The following PLEKHA5 variants were observed in gnomAD, a reference collection of about 807,000 sequenced individuals.
The protein encoded by PLEKHA5 is pleckstrin homology domain containing A5, also known as pleckstrin homology domain-containing family A member 5.
PLEKHA5 carries 55 observed loss-of-function variants against 181.9 expected under a neutral mutation model. That is an observed-to-expected ratio of 0.30 (90% CI 0.24 to 0.38). The LOEUF (loss-of-function observed/expected upper bound fraction) is 0.38, where lower values mean the gene tolerates loss of function less well. Among genes scored for constraint, PLEKHA5 ranks in the 10% least tolerant of loss-of-function variants. PLEKHA5 has a pLI of 1.00. For missense variants in PLEKHA5, 1,432 were observed against 1,549.5 expected (o/e 0.92, Z 1.27); for synonymous variants, 535 against 529.4 (o/e 1.01, Z -0.15).
rs564269895 is a variant in PLEKHA5, at chr12:19,314,870, G to C, written c.2094G>C (p.Ala698=). 6.5e-7 allele frequency: 1 copy of C among 1,545,514 alleles called. No homozygotes were observed. The highest frequency in any genetic ancestry group is 1.4e-5 in the African/African-American group (1 of 72,912). ...TTCACACAATGATTGAGAACTCGGC[G>C]CTAAGACCCCAACTGTACCAGCAAG... ...TMVHTMIENS[A]LRPQLYQQFL... Residue 698 remains alanine (A), a synonymous_variant, in exon 16 of 32, where the codon GCG becomes GCC. Coordinates refer to ENST00000429027, the MANE Select transcript of PLEKHA5 (RefSeq NM_001256470.2).
At chr12:19,162,242 A>G (rs2043129256) in intron 3 of PLEKHA5, among the ~76,000 whole-genome samples, 1 of 152,150 alleles carries the variant, frequency 6.6e-6, no homozygotes, top group Non-Finnish European at 1.5e-5. Context: ...TATTTATTTC[A>G]GTGGATAGTA....
intron 3 of PLEKHA5, among the ~76,000 whole-genome samples, chr12:19,231,347 T>A (rs539902699): frequency 6.6e-6 from 1 of 152,128 alleles, no homozygotes; most frequent in African/African-American, 2.4e-5. Flanking sequence ...ACGAGTTAGA[T>A]TTTATTTCCT....
intron 3 of PLEKHA5, among the ~76,000 whole-genome samples, chr12:19,141,178 A>G (rs2037170859): frequency 6.6e-6 from 1 of 151,904 alleles, no homozygotes; most frequent in South Asian, 2.1e-4. Context: ...CCTCCCCCCC[A>G]ACAGAAAGCT....
At chr12:19,239,238 A>G (rs878878707) in intron 3 of PLEKHA5, among the ~76,000 whole-genome samples, 1 of 152,170 alleles carries the variant, frequency 6.6e-6, no homozygotes, top group Admixed American at 6.5e-5. Flanking sequence ...AAAACCTGCT[A>G]GTTAACTAGC....
At chr12:19,286,804 A>G (rs186201496) in intron 12 of PLEKHA5, among the ~76,000 whole-genome samples, 20 of 152,008 alleles carry the variant, frequency 1.3e-4, no homozygotes, top group Non-Finnish European at 4.4e-5. Context: ...CGTCTCTACT[A>G]AAAATACAAA....
intron 29 of PLEKHA5, among the ~76,000 whole-genome samples, chr12:19,365,156 G>C (rs1277286796): frequency 6.6e-6 from 1 of 151,990 alleles, no homozygotes; most frequent in Non-Finnish European, 1.5e-5. Context: ...CAGATCAAGA[G>C]GTCAGGAGAT....
chr12:19,247,956 A>G (rs2064205623), intron 3 of PLEKHA5, among the ~76,000 whole-genome samples: 1 of 151,756 alleles, frequency 6.6e-6, no homozygotes, highest in African/African-American at 2.4e-5. Context: ...AGAGAGAGAC[A>G]AGGTCTTGCT....
chr12:19,164,829 G>A (rs916687364), intron 3 of PLEKHA5, among the ~76,000 whole-genome samples: 6 of 152,218 alleles, frequency 3.9e-5, no homozygotes, highest in African/African-American at 1.4e-4. Context: ...ATCTCTGGCT[G>A]TCTTCTTTCC....
In PLEKHA5 at chr12:19,291,789, C is replaced by T. The variant is rs945594501; in HGVS notation, c.2037+92C>T. 26 of 633,470 alleles carry T rather than the reference C, an allele frequency of 4.1e-5. No homozygotes were observed. In the Admixed American group the frequency reaches 4.4e-4, roughly 11 times the overall value. The allele number at this position is 633,470 out of a possible 1,614,324, so 39.2% of individuals were successfully genotyped here. The stretch of plus-strand genomic sequence containing the variant: ...TCAGGCTTCTCAGCTATTTCAGTCA[C>T]GTTGAATTAATAACATGACTTTTAC... On this transcript the variant is annotated intron_variant, in intron 15 of 31. Coordinates refer to ENST00000429027, the MANE Select transcript of PLEKHA5 (RefSeq NM_001256470.2).
At chr12:19,269,698 C>G in intron 8 of PLEKHA5, 72 bp from the exon 9 acceptor site, 1 of 709,280 alleles carries the variant, frequency 1.4e-6, no homozygotes, top group Non-Finnish European at 2.3e-6. Context: ...TCAGGAATCA[C>G]TTACCTTTTT....
chr12:19,353,648 G>A (rs1045386982), intron 25 of PLEKHA5, among the ~76,000 whole-genome samples: 8 of 151,096 alleles, frequency 5.3e-5, no homozygotes, highest in African/African-American at 7.3e-5. Flanking sequence ...TAGTGGAGAC[G>A]GGGTTTCTCC....
At chr12:19,325,851 T>C (rs990844945) in intron 20 of PLEKHA5, among the ~76,000 whole-genome samples, 1 of 140,518 alleles carries the variant, frequency 7.1e-6, no homozygotes, top group Non-Finnish European at 1.5e-5. Context: ...CTACTAAAAA[T>C]ACAAAATTAG....
intron 3 of PLEKHA5, among the ~76,000 whole-genome samples, chr12:19,184,932 G>T (rs1426207367): frequency 6.6e-6 from 1 of 152,174 alleles, no homozygotes; most frequent in African/African-American, 2.4e-5. Flanking sequence ...AGTACTTCAA[G>T]AAGTGATTGT....
At chr12:19,153,510 C>T (rs7133858) in intron 3 of PLEKHA5, 134,917 of 152,042 alleles carry the variant, frequency 0.89, 60,683 homozygotes, top group Non-Finnish European at 0.97. Flanking sequence ...TTCTCTGTTA[C>T]GCGTACACAC....
At chr12:19,171,546 CAG>C (rs1437968241) in intron 3 of PLEKHA5, among the ~76,000 whole-genome samples, 1 of 151,992 alleles carries the variant, frequency 6.6e-6, no homozygotes, top group Non-Finnish European at 1.5e-5. Context: ...TCGGCAGAGA[CAG>C]GGATTTTACC....
At chr12:19,341,480 A>G (rs1478907562) in intron 21 of PLEKHA5, among the ~76,000 whole-genome samples, 1 of 151,944 alleles carries the variant, frequency 6.6e-6, no homozygotes, top group Non-Finnish European at 1.5e-5. Context: ...TGACCTTCCC[A>G]TCCTCTGTGT....
chr12:19,236,212 C>G (rs887545377), intron 3 of PLEKHA5, among the ~76,000 whole-genome samples: 1 of 152,144 alleles, frequency 6.6e-6, no homozygotes, highest in Non-Finnish European at 1.5e-5. Context: ...CAACTCTTAC[C>G]TTTTCTGCTA....
chr12:19,360,907 C>T (rs972428666), intron 28 of PLEKHA5, among the ~76,000 whole-genome samples: 5 of 151,890 alleles, frequency 3.3e-5, no homozygotes, highest in Non-Finnish European at 7.4e-5. Context: ...AGGCATGTGC[C>T]ACCACGCCCA....
chr12:19,325,079 T>G (rs910696033), intron 20 of PLEKHA5, among the ~76,000 whole-genome samples: 2 of 152,212 alleles, frequency 1.3e-5, no homozygotes, highest in East Asian at 3.8e-4. Context: ...GATGGGAAAT[T>G]TGTTAAAAAT....
Sources: allele counts gnomAD v4.1 joint callset (sites outside exome capture counted in the v4.1 genomes callset), GRCh38; gene constraint gnomAD v4.1.1; transcripts MANE v1.5; gene names NCBI Gene and HGNC (gene_info 2026-07-23, HGNC 2026-07-21).